The following FER1L6 variants were observed in gnomAD, a reference collection of about 807,000 sequenced individuals.
The protein encoded by FER1L6 is fer-1-like protein 6.
A neutral mutation model predicts 219.2 loss-of-function variants in FER1L6; 177 were observed. The ratio of observed to expected loss-of-function variants is 0.81; its 90% confidence interval spans 0.71 to 0.91. The LOEUF (loss-of-function observed/expected upper bound fraction) is 0.91, where lower values mean the gene tolerates loss of function less well. Among genes scored for constraint, FER1L6 ranks in the 40% least tolerant of loss-of-function variants. The probability of loss-of-function intolerance (pLI) is 0.00; values close to 1 mark genes in which losing one functional copy is unlikely to be tolerated. For synonymous variants in FER1L6, 768 were observed against 824.3 expected, an observed-to-expected ratio of 0.93 and a Z score of 1.17; for missense variants, 2,153 against 2,259.9, an observed-to-expected ratio of 0.95 and a Z score of 0.96.
intron 1 of FER1L6, among the ~76,000 whole-genome samples, chr8:123,886,456 CCCCTTTGACCTACTG>C (rs1817204818): frequency 6.6e-6 from 1 of 152,168 alleles, no homozygotes; most frequent in African/African-American, 2.4e-5. Flanking sequence ...GCATCAGGTT[CCCCTTTGACCTACTG>C]ACATGTCTTG....
Position 124,021,617 on chromosome 8 carries a change from T to C in FER1L6, c.2081T>C (p.Met694Thr), listed in dbSNP as rs1204719419. The C allele has an allele frequency of 6.2e-7, 1 of 1,614,042 alleles. No homozygotes were observed. The highest frequency in any genetic ancestry group is 8.5e-7 in the Non-Finnish European group (1 of 1,180,004). ...QQKKKLSVDE[M>T]IHEAQNFVEK... ...AAGAAAAAGTTATCTGTTGATGAAA[T>C]GATTCACGAAGCCCAAAACTTTGTG... The change falls in exon 17 of 41, where the codon ATG (methionine) becomes ACG (threonine). Residue 694 changes from methionine (M) to threonine (T), a missense_variant. Met to Thr is a moderately conservative substitution (Grantham distance 81, BLOSUM62 -1). Transcript: ENST00000522917.
intron 1 of FER1L6, among the ~76,000 whole-genome samples, chr8:123,945,888 A>C (rs1466010124): frequency 6.6e-6 from 1 of 152,210 alleles, no homozygotes; most frequent in East Asian, 1.9e-4. Context: ...ACTTCCTTTC[A>C]TATGTCTTTA....
At chr8:123,950,206 A>G (rs760242466) in intron 1 of FER1L6, among the ~76,000 whole-genome samples, 1 of 151,928 alleles carries the variant, frequency 6.6e-6, no homozygotes, top group Non-Finnish European at 1.5e-5. Flanking sequence ...TTGTTTCTCT[A>G]TTTTCCTTGC....
chr8:124,100,459 G>C (rs926248678), intron 37 of FER1L6, among the ~76,000 whole-genome samples: 1 of 152,154 alleles, frequency 6.6e-6, no homozygotes, highest in African/African-American at 2.4e-5. Context: ...AAAGGCACAG[G>C]GAGGTTAGAT....
chr8:124,037,999 G>A (rs768305228), intron 19 of FER1L6, among the ~76,000 whole-genome samples: 4 of 152,060 alleles, frequency 2.6e-5, no homozygotes, highest in Non-Finnish European at 5.9e-5. Context: ...CAGTTTTATC[G>A]TCCTGAGGCT....
At chr8:123,908,963 G>A (rs182218761) in intron 1 of FER1L6, among the ~76,000 whole-genome samples, 4 of 152,298 alleles carry the variant, frequency 2.6e-5, no homozygotes, top group Admixed American at 2.0e-4. Context: ...CTAGCTGAAC[G>A]TAAGACAATA....
chr8:124,064,460 G>A lies in FER1L6; in HGVS notation c.3442G>A (p.Asp1148Asn), dbSNP rs772356288. 6.8e-6 allele frequency: 11 copies of A among 1,613,848 alleles called. No individual in the cohort carries two copies. The highest frequency in any genetic ancestry group is 1.1e-5 in the South Asian group (1 of 91,040). ...TGAGCCACCTCCCACAGTGGTGCCC[G>A]ACTCTGCCCAGGCCCAGCCGGCCAT... Reference protein sequence around the residue: ...DVEPPPTVVPDSAQAQPAILV... With the variant: ...DVEPPPTVVPNSAQAQPAILV... The change falls in exon 26 of 41, where the codon GAC becomes AAC. Residue 1148 changes from aspartate to asparagine, a missense_variant. By Grantham distance (23) the Asp-to-Asn change is conservative. Transcript: ENST00000522917.
intron 1 of FER1L6, among the ~76,000 whole-genome samples, chr8:123,953,190 C>T (rs1036179260): frequency 1.3e-5 from 2 of 152,156 alleles, no homozygotes; most frequent in African/African-American, 4.8e-5. Context: ...TGCTGGGAGT[C>T]ATGCTGGGTG....
intron 1 of FER1L6, among the ~76,000 whole-genome samples, chr8:123,886,527 T>A (rs1273775172): frequency 6.6e-6 from 1 of 152,208 alleles, no homozygotes; most frequent in African/African-American, 2.4e-5. Context: ...ATACCAGCCT[T>A]ATGCCCCTTG....
chr8:124,023,673 C>A, intron 18 of FER1L6, 77 bp downstream of exon 18: 1 of 1,478,726 alleles, frequency 6.8e-7, no homozygotes. Flanking sequence ...TAGTGTGTGT[C>A]CATGGCTCTG....
intron 39 of FER1L6, among the ~76,000 whole-genome samples, chr8:124,110,372 T>TCAAA (rs1043165759): frequency 1.1e-4 from 17 of 152,136 alleles, no homozygotes; most frequent in African/African-American, 4.1e-4. Flanking sequence ...AGGATGAGAT[T>TCAAA]CAAACACAAG....
At chr8:124,087,589 T>A (rs1291761773) in intron 33 of FER1L6, among the ~76,000 whole-genome samples, 1 of 152,136 alleles carries the variant, frequency 6.6e-6, no homozygotes, top group Non-Finnish European at 1.5e-5. Flanking sequence ...CTTATTTAGT[T>A]CTTTTGGTGA....
rs994690186 is a variant in FER1L6 at position 123,974,659 on chromosome 8, C to CAAAAAAAAAAAAAAA, written c.527-482_527-468dup. On this transcript the variant is annotated intron_variant, in intron 7 of 40. Coordinates refer to ENST00000522917, the MANE Select transcript of FER1L6 (RefSeq NM_001039112.2). ...CAGGCATCACAGCGAGACTCTGTCT[C>CAAAAAAAAAAAAAAA]AAAAAAAAAAAAAAAAAAAAAAAGA... Among the ~76,000 whole-genome samples, 122 of 47,730 alleles carry CAAAAAAAAAAAAAAA rather than the reference C, an allele frequency of 2.6e-3. 4 individuals carry two copies. The highest frequency in any genetic ancestry group is 0.014 in the Middle Eastern group (1 of 74). 31.3% of individuals were successfully genotyped at this position (47,730 alleles called of 152,430 possible).
At chr8:124,113,880 C>T (rs1352070774) in intron 39 of FER1L6, among the ~76,000 whole-genome samples, 1 of 152,166 alleles carries the variant, frequency 6.6e-6, no homozygotes, top group Admixed American at 6.5e-5. Context: ...TCAGATGGCT[C>T]ACTATTAGTG....
At chr8:124,016,006 T>C (rs946021217) in intron 15 of FER1L6, 1 of 152,724 alleles carries the variant, frequency 6.5e-6, no homozygotes. Context: ...CATGTGAAGG[T>C]AAGGGAGGAT....
chr8:123,984,989 G>A (rs1816503058), intron 11 of FER1L6: 1 of 152,186 alleles, frequency 6.6e-6, no homozygotes, highest in African/African-American at 2.4e-5. Flanking sequence ...TGTGTCAGTG[G>A]GTCCAGCAAC....
intron 5 of FER1L6, among the ~76,000 whole-genome samples, chr8:123,966,623 G>T (rs2130222376): frequency 6.6e-6 from 1 of 152,292 alleles, no homozygotes; most frequent in East Asian, 1.9e-4. Flanking sequence ...TTAGGGAGAA[G>T]ATACATATTC....
chr8:123,982,447 T>G (rs1226820409), intron 11 of FER1L6, among the ~76,000 whole-genome samples: 3 of 152,188 alleles, frequency 2.0e-5, no homozygotes, highest in African/African-American at 7.2e-5. Context: ...CTACAGGCTG[T>G]TGGAGGGTGT....
intron 18 of FER1L6, among the ~76,000 whole-genome samples, chr8:124,024,947 C>T (rs1431895051): frequency 6.6e-6 from 1 of 151,972 alleles, no homozygotes; most frequent in African/African-American, 2.4e-5. Flanking sequence ...TTTGCATTTC[C>T]TTGATGATTA....
Sources: gnomAD v4.1 joint callset for allele counts (sites outside exome capture counted in the v4.1 genomes callset) on GRCh38, gnomAD v4.1.1 for gene constraint, MANE v1.5 for transcripts, NCBI Gene and HGNC (gene_info 2026-07-23, HGNC 2026-07-21) for gene names.